The following CSMD1 variants were observed in gnomAD, a reference collection of about 807,000 sequenced individuals.
The protein encoded by CSMD1 is CUB and sushi domain-containing protein 1.
In CSMD1, 213 loss-of-function variants were observed where a neutral mutation model predicts 417.5. That is an observed-to-expected ratio of 0.51 (90% CI 0.46 to 0.57). CSMD1 has a LOEUF of 0.57. Ranked by LOEUF, CSMD1 falls within the 20% of genes least tolerant of loss-of-function variation. The pLI, the probability that CSMD1 is intolerant of heterozygous loss-of-function variation, is 0.00. For missense variants in CSMD1, 6,923 were observed against 4,529.7 expected (o/e 1.53, Z -15.17); for synonymous variants, 2,862 against 1,736.8 (o/e 1.65, Z -16.11).
chr8:4,041,091 A>C (rs1287198629), intron 3 of CSMD1, among the ~76,000 whole-genome samples: 5 of 136,330 alleles, frequency 3.7e-5, no homozygotes, highest in African/African-American at 1.4e-4. Flanking sequence ...ATCTCGGCTC[A>C]CTGCAAGCTC....
chr8:4,751,837 C>G (rs1384298827), intron 1 of CSMD1, among the ~76,000 whole-genome samples: 1 of 152,174 alleles, frequency 6.6e-6, no homozygotes, highest in Non-Finnish European at 1.5e-5. Context: ...GTTTCATGTT[C>G]TCTGTCCGAA....
intron 49 of CSMD1, among the ~76,000 whole-genome samples, chr8:3,076,030 G>C (rs1407698583): frequency 1.3e-5 from 2 of 149,720 alleles, no homozygotes; most frequent in South Asian, 4.2e-4. Flanking sequence ...TAGCCTGGGC[G>C]ACAGAGCGAG....
intron 2 of CSMD1, among the ~76,000 whole-genome samples, chr8:4,567,784 G>A (rs1798686251): frequency 6.6e-6 from 1 of 151,724 alleles, no homozygotes; most frequent in South Asian, 2.1e-4. Flanking sequence ...TAAAATTATC[G>A]TATACCAGAA....
intron 1 of CSMD1, among the ~76,000 whole-genome samples, chr8:4,839,634 T>C (rs961172966): frequency 6.6e-6 from 1 of 152,172 alleles, no homozygotes; most frequent in Non-Finnish European, 1.5e-5. Flanking sequence ...AAGAACTTGT[T>C]CCTCACACAT....
chr8:4,163,312 T>G (rs1287817340), intron 3 of CSMD1, among the ~76,000 whole-genome samples: 2 of 152,268 alleles, frequency 1.3e-5, no homozygotes, highest in South Asian at 4.1e-4. Flanking sequence ...ACCACCCAAT[T>G]GTCTTCCAAA....
intron 6 of CSMD1, among the ~76,000 whole-genome samples, chr8:3,732,508 A>G (rs1182350050): frequency 6.6e-6 from 1 of 151,044 alleles, no homozygotes; most frequent in Non-Finnish European, 1.5e-5. Context: ...TAGCTATAAG[A>G]GGAAAATATT....
chr8:4,139,621 G>A (rs1276447444), intron 3 of CSMD1, among the ~76,000 whole-genome samples: 3 of 151,218 alleles, frequency 2.0e-5, no homozygotes, highest in Non-Finnish European at 1.5e-5. Flanking sequence ...CAGAGGAAGG[G>A]CATTTGGAAT....
intron 7 of CSMD1, among the ~76,000 whole-genome samples, chr8:3,646,970 T>C (rs1212144529): frequency 1.3e-5 from 2 of 152,136 alleles, no homozygotes; most frequent in South Asian, 2.1e-4. Context: ...TCTATAACTA[T>C]TCCCAAATTC....
chr8:3,921,390 A>G (rs1430799238), intron 5 of CSMD1, among the ~76,000 whole-genome samples: 1 of 151,936 alleles, frequency 6.6e-6, no homozygotes, highest in Non-Finnish European at 1.5e-5. Context: ...TCTAGCCTCT[A>G]TTTAATTTAT....
chr8:4,469,954 A>G (rs905875718), intron 2 of CSMD1, among the ~76,000 whole-genome samples: 42 of 143,902 alleles, frequency 2.9e-4, no homozygotes, highest in Admixed American at 7.6e-4. Context: ...TGCAAGCTCC[A>G]CCTCCTGGAT....
chr8:3,467,585 A>G (rs112652048), intron 12 of CSMD1, among the ~76,000 whole-genome samples: 3 of 152,174 alleles, frequency 2.0e-5, no homozygotes, highest in Admixed American at 6.5e-5. Context: ...TAAGTCCCCA[A>G]CACACCCCGT....
chr8:3,394,005 A>T (rs372790656), intron 17 of CSMD1, among the ~76,000 whole-genome samples: 34,510 of 59,774 alleles, frequency 0.58, 8,613 homozygotes, highest in South Asian at 0.68. Context: ...AATAATAAAA[A>T]AATAAATTAT....
chr8:4,580,888 T>C (rs547771238), intron 2 of CSMD1, among the ~76,000 whole-genome samples: 19 of 152,350 alleles, frequency 1.2e-4, no homozygotes, highest in Admixed American at 4.6e-4. Context: ...ATTGCATTTT[T>C]CCCTGCTATT....
At chr8:3,846,211 T>C (rs952745785) in intron 5 of CSMD1, among the ~76,000 whole-genome samples, 2 of 152,200 alleles carry the variant, frequency 1.3e-5, no homozygotes, top group Non-Finnish European at 2.9e-5. Flanking sequence ...CACTATACGT[T>C]TGTTGCCACC....
At chr8:4,230,166 G>A (rs1264458137) in intron 3 of CSMD1, among the ~76,000 whole-genome samples, 1 of 152,116 alleles carries the variant, frequency 6.6e-6, no homozygotes, top group Non-Finnish European at 1.5e-5. Flanking sequence ...GGGTATGTTT[G>A]AATTGATATT....
intron 3 of CSMD1, among the ~76,000 whole-genome samples, chr8:4,194,416 T>C (rs1240089449): frequency 1.3e-5 from 2 of 152,156 alleles, no homozygotes; most frequent in Non-Finnish European, 2.9e-5. Flanking sequence ...TCCAAATAGC[T>C]TGTAAAATAT....
intron 1 of CSMD1, among the ~76,000 whole-genome samples, chr8:4,924,215 G>A (rs1201755953): frequency 6.6e-6 from 1 of 152,108 alleles, no homozygotes; most frequent in Non-Finnish European, 1.5e-5. Flanking sequence ...TTTGAGTTAT[G>A]ATCATGTAAG....
chr8:4,595,959 A>C (rs927869580), intron 2 of CSMD1, among the ~76,000 whole-genome samples: 2 of 151,948 alleles, frequency 1.3e-5, no homozygotes, highest in Admixed American at 6.6e-5. Context: ...GAACTGTACC[A>C]CTTGTACAGC....
intron 1 of CSMD1, among the ~76,000 whole-genome samples, chr8:4,830,739 G>A (rs969776504): frequency 6.6e-6 from 1 of 152,156 alleles, no homozygotes; most frequent in Non-Finnish European, 1.5e-5. Context: ...TCGCTTAATT[G>A]GAACCATTGG....
Sources: gnomAD v4.1 joint callset for allele counts (sites outside exome capture counted in the v4.1 genomes callset) on GRCh38, gnomAD v4.1.1 for gene constraint, MANE v1.5 for transcripts, NCBI Gene and HGNC (gene_info 2026-07-23, HGNC 2026-07-21) for gene names.